Variants in TIMELESS observed in about 807,000 individuals in gnomAD.
The protein encoded by TIMELESS is timeless circadian regulator, also known as protein timeless homolog.
TIMELESS carries 124 observed loss-of-function variants against 164.3 expected under a neutral mutation model. The observed-to-expected ratio is 0.75, with a 90% CI of 0.65 to 0.88. TIMELESS has a LOEUF of 0.88. Among genes scored for constraint, TIMELESS ranks in the 40% least tolerant of loss-of-function variants. The pLI is 0.00. For missense variants in TIMELESS, 1,422 were observed against 1,491.4 expected (o/e 0.95, Z 0.77); for synonymous variants, 564 against 563.4 (o/e 1.00, Z -0.02).
Position 56,430,918 on chromosome 12 carries a change from C to G in TIMELESS, c.872G>C (p.Gly291Ala). The change falls in exon 9 of 29, where the codon GGG becomes GCG. Residue 291 changes from glycine to alanine, a missense_variant. Gly to Ala is a moderately conservative substitution (Grantham distance 60). Coordinates refer to ENST00000553532, the MANE Select transcript of TIMELESS (RefSeq NM_003920.5). ...TTTGTGAAAGATGAGGTCCCTCTCC[C>G]CAATGGATTTCAACCCCTGGACAAT... ...SYIVQGLKSI[G>A]ERDLIFHKGL... The G allele has an allele frequency of 6.2e-7, 1 of 1,606,668 alleles. No homozygotes were observed. Among genetic ancestry groups the G allele is most frequent in the Non-Finnish European group, 8.5e-7 (1 of 1,176,738 alleles).
intron 1 of TIMELESS, among the ~76,000 whole-genome samples, chr12:56,447,757 A>T (rs982804833): frequency 2.0e-5 from 3 of 152,070 alleles, no homozygotes; most frequent in African/African-American, 7.2e-5. Flanking sequence ...GGGGTAAAAA[A>T]CTTCAGGGAC....
intron 1 of TIMELESS, among the ~76,000 whole-genome samples, chr12:56,447,715 T>C (rs555063151): frequency 1.1e-4 from 17 of 152,274 alleles, no homozygotes; most frequent in African/African-American, 4.1e-4. Flanking sequence ...TGATCTTTTA[T>C]TGAGCTGTAT....
chr12:56,427,594 G>A (rs903178337), intron 13 of TIMELESS, among the ~76,000 whole-genome samples: 9 of 152,082 alleles, frequency 5.9e-5, no homozygotes, highest in Admixed American at 6.6e-5. Context: ...TTGTGTTGCT[G>A]TTGAGACAGA....
chr12:56,433,991 T>A lies in TIMELESS; in HGVS notation c.98-65A>T, dbSNP rs1881986142. The stretch of plus-strand genomic sequence containing the variant: ...AGAAGCTCCATCCAGACCCACATCT[T>A]TTCACACCCATGGTTTGAGGAATTC... On this transcript the variant is annotated intron_variant, in intron 2 of 28. Coordinates refer to ENST00000553532, the MANE Select transcript of TIMELESS (RefSeq NM_003920.5). The A allele has an allele frequency of 1.9e-6, 3 of 1,612,060 alleles. No homozygotes were observed. The South Asian group carries it at 3.3e-5, about 18-fold the overall frequency.
Position 56,434,912 on chromosome 12 carries a change from C to T in TIMELESS, c.-61-681G>A, listed in dbSNP as rs570357073. On this transcript the variant is annotated intron_variant, in intron 1 of 28. Coordinates refer to ENST00000553532, the MANE Select transcript of TIMELESS (RefSeq NM_003920.5). ...AAAAAGCCAACCGTTGTGGCACACA[C>T]CTGCACTCCTACCTACTCGGGAGGC... Among the ~76,000 whole-genome samples, 5 of 152,264 alleles carry T rather than the reference C, an allele frequency of 3.3e-5. No individual in the cohort carries two copies. The East Asian group carries it at 9.7e-4, about 29-fold the overall frequency.
At position 56,432,843 on chromosome 12, in the gene TIMELESS, G is replaced by T. The variant is rs1051865481; in HGVS notation, c.531+183C>A. Among the ~76,000 whole-genome samples the T allele has an allele frequency of 4.6e-5, 7 of 151,418 alleles. No homozygotes were observed. In the East Asian group the frequency reaches 1.2e-3, roughly 25 times the overall value. Reference sequence around the variant, plus strand: ...GGGCACCTGTAGTCCCAGCTACTCAGGAGGCAGAGGCTGAGGCAGGAGAAT... The same window carrying T: ...GGGCACCTGTAGTCCCAGCTACTCATGAGGCAGAGGCTGAGGCAGGAGAAT... On this transcript the variant is annotated intron_variant, in intron 6 of 28. Transcript: ENST00000553532.
At chr12:56,418,394 C>T (rs776236891) in intron 26 of TIMELESS, 35 bp from the exon 27 acceptor site, 1 of 1,488,354 alleles carries the variant, frequency 6.7e-7, no homozygotes, top group Non-Finnish European at 9.2e-7. Context: ...GGGAAAGGAC[C>T]AGCTTTTTGT....
chr12:56,442,083 CAAAAA>C lies in TIMELESS; in HGVS notation c.-62+7222_-62+7226del, dbSNP rs34126247. Among the ~76,000 whole-genome samples the C allele has an allele frequency of 2.5e-4, 24 of 94,360 alleles. 2 individuals carry two copies. The East Asian group carries it at 6.0e-3, about 24-fold the overall frequency. 61.9% of individuals were successfully genotyped at this position (94,360 alleles called of 152,430 possible). A position where few individuals can be genotyped will look rare whatever the true frequency, so the allele number is the denominator to read the frequency against. On this transcript the variant is annotated intron_variant, in intron 1 of 28. Transcript: ENST00000553532. ...TGGGCGACAGAGTGAGACTCCGTCT[CAAAAA>C]AAAAAAAAAAAAAAGAAATGTAGTT...
chr12:56,423,122 T>C (rs1881551964), intron 18 of TIMELESS, 130 bp from the exon 19 acceptor site: 2 of 1,403,896 alleles, frequency 1.4e-6, no homozygotes, highest in East Asian at 4.7e-5. Context: ...TCCTTCTCCA[T>C]GCAGCTCCCT....
chr12:56,422,154 C>T lies in TIMELESS; in HGVS notation c.2476G>A (p.Glu826Lys). ...SRRAPTWSPE[E>K]EAHLRELYLA... Reference sequence around the variant, plus strand: ...TACAGCTCCCGAAGATGAGCCTCTTCTTCGGGGCTCCATGTAGGTGCTCTG... The same window carrying T: ...TACAGCTCCCGAAGATGAGCCTCTTTTTCGGGGCTCCATGTAGGTGCTCTG... Residue 826 changes from glutamate to lysine, a missense_variant, in exon 20 of 29, where the codon GAA (glutamate) becomes AAA (lysine). Coordinates refer to ENST00000553532, the MANE Select transcript of TIMELESS (RefSeq NM_003920.5). 5 of 1,614,140 alleles carry T rather than the reference C, an allele frequency of 3.1e-6. No individual in the cohort carries two copies. In the South Asian group the frequency reaches 5.5e-5, roughly 18 times the overall value.
In TIMELESS at chr12:56,417,564, G is replaced by T. The variant is rs1881305122; in HGVS notation, c.*152C>A. On this transcript the variant is annotated 3_prime_UTR_variant, in exon 29 of 29. Transcript: ENST00000553532. The stretch of plus-strand genomic sequence containing the variant: ...AGCAGAGAAGTCCAATACTGCTGCT[G>T]AAGTTTCTCAGCCTAAATCCGTGAA... 3 of 700,336 alleles carry T rather than the reference G, an allele frequency of 4.3e-6. No individual in the cohort carries two copies. Among genetic ancestry groups the T allele is most frequent in the South Asian group, 1.8e-5 (1 of 54,450 alleles). The allele number at this position is 700,336 out of a possible 1,614,324, so 43.4% of individuals were successfully genotyped here.
Position 56,427,578 on chromosome 12 carries a change from C to T in TIMELESS, c.1578+658G>A, listed in dbSNP as rs144866535. Among the ~76,000 whole-genome samples the T allele has an allele frequency of 6.1e-4, 93 of 152,042 alleles. 1 individual carries two copies. Among genetic ancestry groups the T allele is most frequent in the Middle Eastern group, 6.8e-3 (2 of 294 alleles). On this transcript the variant is annotated intron_variant, in intron 13 of 28. Transcript: ENST00000553532. ...AGACTTTCTAAAGTTCAATTTAAGG[C>T]TCTCTTTGTGTTGCTGTTGAGACAG...
rs139395794 is a variant in TIMELESS at position 56,417,910 on chromosome 12, T to G, written c.3553A>C (p.Arg1185=). The G allele has an allele frequency of 1.3e-4, 206 of 1,614,240 alleles. No individual in the cohort carries two copies. The African/African-American group carries it at 1.8e-3, about 14-fold the overall frequency. Residue 1185 remains arginine, a synonymous_variant, in exon 28 of 29, where the codon AGA becomes CGA. Transcript: ENST00000553532. ...AAGGTCCCATCAAATTCCCTACCTC[T>G]GTTCCTGCCCTCATCTTCTTCCTGT... ...EEQEEDEGRN[R]APELGAPGIQ...
intron 26 of TIMELESS, 71 bp from the exon 27 acceptor site, chr12:56,418,430 T>C: frequency 8.8e-7 from 1 of 1,130,890 alleles, no homozygotes; most frequent in South Asian, 1.4e-5. Flanking sequence ...ATTCATTGAA[T>C]ATATATGACC....
intron 19 of TIMELESS, 33 bp downstream of exon 19, chr12:56,422,807 TCCCCTAC>T: frequency 2.1e-6 from 3 of 1,447,318 alleles, no homozygotes; most frequent in Non-Finnish European, 2.8e-6. Flanking sequence ...GCATCAAACT[TCCCCTAC>T]CCCCACCCAC....
rs945343420 is a variant in TIMELESS at position 56,430,915 on chromosome 12, T to C, written c.875A>G (p.Glu292Gly). Residue 292 changes from glutamate to glycine, a missense_variant, in exon 9 of 29, where the codon GAG becomes GGG. Physicochemically the swap from Glu to Gly is moderately conservative, Grantham distance 98. Transcript: ENST00000553532. ...GCCTTTGTGAAAGATGAGGTCCCTC[T>C]CCCCAATGGATTTCAACCCCTGGAC... ...YIVQGLKSIG[E>G]RDLIFHKGLH... 6 of 1,604,836 alleles carry C rather than the reference T, an allele frequency of 3.7e-6. No individual in the cohort carries two copies. The highest frequency in any genetic ancestry group is 1.3e-5 in the African/African-American group (1 of 74,174).
At chr12:56,449,238 C>T (rs1379419849) in intron 1 of TIMELESS, 72 bp downstream of exon 1, 2 of 152,394 alleles carry the variant, frequency 1.3e-5, no homozygotes, top group African/African-American at 4.8e-5. Context: ...TCAGCGTTTC[C>T]CGAGAATGCC....
intron 15 of TIMELESS, among the ~76,000 whole-genome samples, chr12:56,424,545 GCTTT>G (rs551520219): frequency 1.2e-4 from 18 of 152,236 alleles, no homozygotes; most frequent in Admixed American, 2.0e-4. Context: ...GTGAGGATTT[GCTTT>G]CTTTATTTTT....
At chr12:56,425,284 G>A in intron 13 of TIMELESS, 132 bp from the exon 14 acceptor site, 1 of 1,116,736 alleles carries the variant, frequency 9.0e-7, no homozygotes, top group East Asian at 2.6e-5. Flanking sequence ...ATCGGTAATA[G>A]AAAGCAATAG....
Sources: gnomAD v4.1 joint callset for allele counts (sites outside exome capture counted in the v4.1 genomes callset) on GRCh38, gnomAD v4.1.1 for gene constraint, MANE v1.5 for transcripts, NCBI Gene and HGNC (gene_info 2026-07-23, HGNC 2026-07-21) for gene names.